ZFAND3: variants seen among roughly 807,000 people sequenced by gnomAD.
The protein encoded by ZFAND3 is AN1-type zinc finger protein 3.
ZFAND3 carries 10 observed loss-of-function variants against 29.6 expected under a neutral mutation model. The observed-to-expected ratio is 0.34, with a 90% confidence interval of 0.21 to 0.57. The LOEUF is 0.57. Among genes scored for constraint, ZFAND3 ranks in the 20% least tolerant of loss-of-function variants. ZFAND3 has a pLI of 0.86. For synonymous variants in ZFAND3, 128 were observed against 112.6 expected (o/e 1.14, Z -0.87); for missense variants, 230 against 304.5 (o/e 0.76, Z 1.82).
chr6:37,914,373 G>T (rs1225967063), intron 1 of ZFAND3, among the ~76,000 whole-genome samples: 5 of 152,150 alleles, frequency 3.3e-5, no homozygotes. Context: ...TTGAGACAGG[G>T]TCTCATTCTG....
At chr6:38,006,006 A>G (rs1763042025) in intron 2 of ZFAND3, among the ~76,000 whole-genome samples, 2 of 152,222 alleles carry the variant, frequency 1.3e-5, no homozygotes, top group Admixed American at 6.5e-5. Flanking sequence ...GTAAACACAG[A>G]TGAAGATAGA....
intron 4 of ZFAND3, among the ~76,000 whole-genome samples, chr6:38,084,477 A>G (rs936946876): frequency 1.3e-5 from 2 of 152,186 alleles, no homozygotes; most frequent in Admixed American, 6.5e-5. Context: ...CTTAATGAGG[A>G]TTATATCTTT....
At chr6:37,930,169 T>G (rs767159687) in intron 2 of ZFAND3, among the ~76,000 whole-genome samples, 170 bp downstream of exon 2, 2 of 152,142 alleles carry the variant, frequency 1.3e-5, no homozygotes, top group Non-Finnish European at 2.9e-5. Context: ...TTCATATATT[T>G]GCCTAGGACG....
At chr6:37,948,041 G>A (rs1178732309) in intron 2 of ZFAND3, among the ~76,000 whole-genome samples, 1 of 152,060 alleles carries the variant, frequency 6.6e-6, no homozygotes, top group African/African-American at 2.4e-5. Context: ...CTTGGAAAAT[G>A]TTTTGTTTAT....
At chr6:38,043,445 CT>C (rs1263260397) in intron 2 of ZFAND3, among the ~76,000 whole-genome samples, 1 of 149,676 alleles carries the variant, frequency 6.7e-6, no homozygotes, top group Non-Finnish European at 1.5e-5. Flanking sequence ...CTCCTATCCC[CT>C]CCCCGTCTCT....
intron 1 of ZFAND3, among the ~76,000 whole-genome samples, chr6:37,899,772 A>C (rs1245647325): frequency 6.6e-6 from 1 of 152,228 alleles, no homozygotes; most frequent in African/African-American, 2.4e-5. Context: ...TAAACAGTTC[A>C]AAATGGTTTA....
At chr6:37,957,013 A>G (rs1372708815) in intron 2 of ZFAND3, among the ~76,000 whole-genome samples, 1 of 151,704 alleles carries the variant, frequency 6.6e-6, no homozygotes, top group Non-Finnish European at 1.5e-5. Flanking sequence ...GGATATTGTG[A>G]AAAAAAATGT....
At chr6:38,113,303 C>T (rs539989398) in intron 4 of ZFAND3, among the ~76,000 whole-genome samples, 35 of 152,210 alleles carry the variant, frequency 2.3e-4, no homozygotes, top group African/African-American at 8.4e-4. Context: ...GTCAGAGGAT[C>T]GAGTAGGGCT....
At chr6:37,866,865 T>G (rs1470616188) in intron 1 of ZFAND3, among the ~76,000 whole-genome samples, 4 of 152,210 alleles carry the variant, frequency 2.6e-5, no homozygotes, top group Non-Finnish European at 5.9e-5. Flanking sequence ...ACGAAGCCTT[T>G]TAGGAATTTG....
chr6:37,870,741 T>TG (rs754643136), intron 1 of ZFAND3, among the ~76,000 whole-genome samples: 17 of 152,168 alleles, frequency 1.1e-4, no homozygotes, highest in Non-Finnish European at 2.1e-4. Flanking sequence ...TAGAGGGCAG[T>TG]GGTGCGATTA....
intron 4 of ZFAND3, among the ~76,000 whole-genome samples, chr6:38,087,107 A>G (rs1466214943): frequency 2.6e-5 from 4 of 152,244 alleles, no homozygotes; most frequent in South Asian, 2.1e-4. Flanking sequence ...TATCTCCAAT[A>G]AATGGTGCTG....
At chr6:37,880,053 A>G (rs74686249) in intron 1 of ZFAND3, among the ~76,000 whole-genome samples, 3,651 of 152,334 alleles carry the variant, frequency 0.024, 166 homozygotes, top group African/African-American at 0.082. Context: ...AGAGAGGTCA[A>G]TAAAGCATTT....
chr6:38,020,864 C>T (rs574317527), intron 2 of ZFAND3, among the ~76,000 whole-genome samples: 4 of 152,306 alleles, frequency 2.6e-5, no homozygotes, highest in Admixed American at 2.6e-4. Context: ...CATAGCTACT[C>T]TCTTGCTCTG....
intron 1 of ZFAND3, among the ~76,000 whole-genome samples, chr6:37,830,968 C>T (rs775772734): frequency 6.6e-6 from 1 of 151,734 alleles, no homozygotes; most frequent in Non-Finnish European, 1.5e-5. Context: ...GGCCCCCTTT[C>T]TCGTCTATCC....
chr6:37,834,536 A>C (rs1561904695), intron 1 of ZFAND3, among the ~76,000 whole-genome samples: 1 of 152,204 alleles, frequency 6.6e-6, no homozygotes, highest in Non-Finnish European at 1.5e-5. Context: ...CTGCTGGATC[A>C]TATGATAAGA....
At chr6:37,923,059 AAC>A (rs1001733444) in intron 1 of ZFAND3, among the ~76,000 whole-genome samples, 1 of 152,230 alleles carries the variant, frequency 6.6e-6, no homozygotes, top group Non-Finnish European at 1.5e-5. Flanking sequence ...CTTAGCTTAA[AAC>A]ACAAACACAT....
At chr6:38,014,414 C>A (rs1199607502) in intron 2 of ZFAND3, among the ~76,000 whole-genome samples, 1 of 152,040 alleles carries the variant, frequency 6.6e-6, no homozygotes, top group Non-Finnish European at 1.5e-5. Context: ...GCAACCTCCA[C>A]CTCCCTGGTT....
intron 1 of ZFAND3, among the ~76,000 whole-genome samples, chr6:37,920,068 T>G (rs1310878583): frequency 6.6e-6 from 1 of 151,014 alleles, no homozygotes; most frequent in Admixed American, 6.6e-5. Context: ...TTTTTTTTTT[T>G]TTTTTGGCCC....
At chr6:37,851,489 A>G (rs1764281149) in intron 1 of ZFAND3, among the ~76,000 whole-genome samples, 1 of 144,326 alleles carries the variant, frequency 6.9e-6, no homozygotes, top group African/African-American at 2.7e-5. Context: ...GTCTGCCTCC[A>G]AACTATCTTG....
Sources: allele counts gnomAD v4.1 joint callset (sites outside exome capture counted in the v4.1 genomes callset), GRCh38; gene constraint gnomAD v4.1.1; transcripts MANE v1.5; gene names NCBI Gene and HGNC (gene_info 2026-07-23, HGNC 2026-07-21).